OTOG: variants seen among roughly 807,000 people sequenced by gnomAD.
The protein encoded by OTOG is otogelin.
In OTOG, 296 loss-of-function variants were observed where a neutral mutation model predicts 313.8. That is an observed-to-expected ratio of 0.94 (90% confidence interval 0.86 to 1.04). The LOEUF is 1.04. OTOG is among the 50% of genes least tolerant of loss of function. The probability of loss-of-function intolerance (pLI) is 0.00; values close to 1 mark genes in which losing one functional copy is unlikely to be tolerated. For missense variants in OTOG, 3,948 were observed against 3,840.1 expected (o/e 1.03, Z -0.74); for synonymous variants, 1,533 against 1,554.9 (o/e 0.99, Z 0.33).
At chr11:17,595,612 T>A (rs1204967183) in intron 28 of OTOG, among the ~76,000 whole-genome samples, 2 of 152,206 alleles carry the variant, frequency 1.3e-5, no homozygotes, top group Non-Finnish European at 2.9e-5. Flanking sequence ...ACATGGTTGT[T>A]GATTACATTC....
chr11:17,601,646 T>TGGGGG (rs534130546), intron 31 of OTOG, among the ~76,000 whole-genome samples: 1 of 30,088 alleles, frequency 3.3e-5, no homozygotes, highest in Non-Finnish European at 6.8e-5. Context: ...GGCATTGGGG[T>TGGGGG]GGGGGGTGGG....
intron 48 of OTOG, 29 bp from the exon 49 acceptor site, chr11:17,639,394 A>C: frequency 6.4e-7 from 1 of 1,550,438 alleles, no homozygotes; most frequent in Non-Finnish European, 8.7e-7. Flanking sequence ...TCCCTGATGA[A>C]GTGGGGCCTG....
In OTOG at chr11:17,645,580, C is replaced by T. The variant is rs1320323973; in HGVS notation, c.8478C>T (p.Arg2826=). 3.2e-6 allele frequency: 5 copies of T among 1,550,618 alleles called. No individual in the cohort carries two copies. The highest frequency in any genetic ancestry group is 4.4e-6 in the Non-Finnish European group (5 of 1,146,996). The change falls in exon 55 of 56, where the codon CGC becomes CGT. Residue 2826 remains arginine (R), a synonymous_variant. Transcript: ENST00000399397. The part of the protein sequence containing the change: ...GCCRTCKEDG[R]SCKKVTIRMT... ...TCCCCCCAGGTAAGGAGGATGGGCG[C>T]TCCTGCAAGAAGGTGACCATCCGCA...
rs569039379 is a variant in OTOG at position 17,645,781 on chromosome 11, C to T, written c.8579C>T (p.Ala2860Val). 19 of 1,551,050 alleles carry T rather than the reference C, an allele frequency of 1.2e-5. No homozygotes were observed. In the Middle Eastern group the frequency reaches 8.3e-4, roughly 68 times the overall value. Residue 2860 changes from alanine (A) to valine (V), a missense_variant, in exon 56 of 56, where the codon GCC (alanine) becomes GTC (valine). Ala to Val is a moderately conservative substitution (Grantham distance 64). Transcript: ENST00000399397. Reference protein sequence around the residue: ...LVSCDGRCPSASIYNYNINTY... With the variant: ...LVSCDGRCPSVSIYNYNINTY... ...TCCTGCGATGGGAGGTGCCCATCCG[C>T]CAGCATCTACAACTACAACATCAAC... is the stretch of plus-strand genomic sequence containing the variant.
chr11:17,554,896 C>T (rs751575113), intron 6 of OTOG, among the ~76,000 whole-genome samples: 32 of 152,064 alleles, frequency 2.1e-4, no homozygotes, highest in Non-Finnish European at 4.0e-4. Flanking sequence ...GAGTGTATTA[C>T]GCATGATAGA....
chr11:17,638,794 C>T, intron 48 of OTOG: 16 of 1,500,414 alleles, frequency 1.1e-5, no homozygotes, highest in South Asian at 4.8e-5. Flanking sequence ...AGAGGGTTTC[C>T]GTCTTAAAAA....
intron 46 of OTOG, 143 bp downstream of exon 46, chr11:17,635,330 A>G (rs920895829): frequency 8.6e-6 from 6 of 696,382 alleles, no homozygotes; most frequent in Non-Finnish European, 1.4e-5. Context: ...CTCACTGTCC[A>G]GGAAACAGTG....
In OTOG at chr11:17,609,929, C is replaced by A. The variant is rs547273913; in HGVS notation, c.4629C>A (p.Ala1543=). 2 of 1,530,088 alleles carry A rather than the reference C, an allele frequency of 1.3e-6. No homozygotes were observed. Among genetic ancestry groups the A allele is most frequent in the African/African-American group, 1.4e-5 (1 of 72,758 alleles). 94.8% of individuals were successfully genotyped at this position (1,530,088 alleles called of 1,614,324 possible). A position where few individuals can be genotyped will look rare whatever the true frequency, so the allele number is the denominator to read the frequency against. ...PLELTASQLP[A]GPTESPASKG... ...AGCTCACTGCATCTCAACTCCCCGC[C>A]GGCCCCACGGAGTCCCCAGCCAGCA... The change falls in exon 36 of 56, where the codon GCC becomes GCA. Residue 1543 remains alanine (A), a synonymous_variant. Transcript: ENST00000399397.
rs764128897 is a variant in OTOG at position 17,578,419 on chromosome 11, G to A, written c.2652G>A (p.Leu884=). The change falls in exon 23 of 56, where the codon CTG becomes CTA. Residue 884 remains leucine (L), a synonymous_variant. Coordinates refer to ENST00000399397, the MANE Select transcript of OTOG (RefSeq NM_001292063.2). ...AGGTCTTCGTGAACTGCAGCGACCT[G>A]CACACGGACCTGGAGCTGAGCAGGG... ...AGQVFVNCSD[L]HTDLELSRER... is the part of the protein sequence containing the mutation. 3.2e-6 allele frequency: 5 copies of A among 1,540,884 alleles called. No homozygotes were observed. Among genetic ancestry groups the A allele is most frequent in the Non-Finnish European group, 3.5e-6 (4 of 1,146,620 alleles).
rs370428693 is a variant in OTOG at position 17,573,313 on chromosome 11, G to C, written c.2293+23G>C. 64 of 1,501,938 alleles carry C rather than the reference G, an allele frequency of 4.3e-5. No individual in the cohort carries two copies. The East Asian group carries it at 1.4e-3, about 34-fold the overall frequency. 93.0% of individuals were successfully genotyped at this position (1,501,938 alleles called of 1,614,324 possible). ...GTGGTGAGTGCCCCACCCATGTGAGGCTGAGCTGGAGGAGCCAGAGCTCCA... is the reference window on the plus strand; with the variant it reads ...GTGGTGAGTGCCCCACCCATGTGAGCCTGAGCTGGAGGAGCCAGAGCTCCA... On this transcript the variant is annotated intron_variant, in intron 19 of 55. Coordinates refer to ENST00000399397, the MANE Select transcript of OTOG (RefSeq NM_001292063.2).
At chr11:17,643,553 G>A (rs935731110) in intron 54 of OTOG, 47 bp downstream of exon 54, 9 of 1,263,608 alleles carry the variant, frequency 7.1e-6, no homozygotes, top group East Asian at 3.0e-5. Context: ...TCTGATGGGG[G>A]CACAGGGTGT....
intron 54 of OTOG, 69 bp downstream of exon 54, chr11:17,643,575 A>T: frequency 8.4e-7 from 1 of 1,189,732 alleles, no homozygotes; most frequent in Non-Finnish European, 1.1e-6. Context: ...ATGTCAGGGG[A>T]CAGAGGACCA....
intron 6 of OTOG, among the ~76,000 whole-genome samples, chr11:17,555,210 T>A (rs1427367569): frequency 1.1e-4 from 16 of 139,740 alleles, no homozygotes; most frequent in African/African-American, 2.2e-4. Flanking sequence ...GGCAGAGATG[T>A]GTGTGTGTGT....
intron 32 of OTOG, 41 bp from the exon 33 acceptor site, chr11:17,605,816 A>G (rs1319825038): frequency 1.3e-6 from 2 of 1,496,048 alleles, no homozygotes; most frequent in South Asian, 2.7e-5. Context: ...AGCCACCTGG[A>G]CCTCTGCCTG....
At chr11:17,576,749 G>A in intron 21 of OTOG, 119 bp downstream of exon 21, 5 of 1,438,646 alleles carry the variant, frequency 3.5e-6, no homozygotes, top group Non-Finnish European at 4.8e-6. Flanking sequence ...TGTGCAGGGA[G>A]GGGGAAGTGA....
intron 23 of OTOG, among the ~76,000 whole-genome samples, chr11:17,583,105 T>G (rs1317813588): frequency 6.6e-6 from 1 of 151,930 alleles, no homozygotes; most frequent in Non-Finnish European, 1.5e-5. Context: ...GCTTTACAAT[T>G]AAATGTAATG....
At chr11:17,602,071 T>A in intron 31 of OTOG, 139 bp from the exon 32 acceptor site, 1 of 954,950 alleles carries the variant, frequency 1.0e-6, no homozygotes, top group South Asian at 1.7e-5. Context: ...GTCCCTGAGA[T>A]CTGGGATGAA....
intron 23 of OTOG, among the ~76,000 whole-genome samples, chr11:17,579,195 G>A (rs1054790198): frequency 3.9e-5 from 6 of 152,182 alleles, no homozygotes; most frequent in South Asian, 2.1e-4. Flanking sequence ...GGCAACAGCC[G>A]GCTGTGCCCT....
intron 41 of OTOG, 24 bp downstream of exon 41, chr11:17,631,946 C>G (rs1450068011): frequency 2.6e-6 from 4 of 1,547,620 alleles, no homozygotes; most frequent in Non-Finnish European, 3.5e-6. Flanking sequence ...GGGTCCAGCA[C>G]TGGGGACACC....
Sources: gnomAD v4.1 joint callset for allele counts (sites outside exome capture counted in the v4.1 genomes callset) on GRCh38, gnomAD v4.1.1 for gene constraint, MANE v1.5 for transcripts, NCBI Gene and HGNC (gene_info 2026-07-23, HGNC 2026-07-21) for gene names.